ANOS1: variants seen among roughly 807,000 people sequenced by gnomAD.
The protein encoded by ANOS1 is anosmin-1.
A neutral mutation model predicts 59.0 loss-of-function variants in ANOS1; 6 were observed. The observed-to-expected ratio is 0.10, with a 90% CI of 0.06 to 0.20. The LOEUF (loss-of-function observed/expected upper bound fraction) is 0.20. Ranked by LOEUF, ANOS1 falls within the 10% of genes least tolerant of loss-of-function variation. ANOS1 has a pLI of 1.00. For missense variants in ANOS1, 433 were observed against 542.3 expected (o/e 0.80, Z 2.00); for synonymous variants, 217 against 223.4 (o/e 0.97, Z 0.25).
At chrX:8,717,532 A>G (rs1173575506) in intron 1 of ANOS1, among the ~76,000 whole-genome samples, 4 of 111,172 alleles carry the variant, frequency 3.6e-5, no homozygotes, top group African/African-American at 9.8e-5. Context: ...TTCTGGCCCA[A>G]TGGGAAAAAA....
intron 2 of ANOS1, among the ~76,000 whole-genome samples, chrX:8,625,905 G>T (rs1341770540): frequency 9.1e-6 from 1 of 109,770 alleles, no homozygotes; most frequent in Non-Finnish European, 1.9e-5. Flanking sequence ...GAGGTCAGGA[G>T]ATCGAGACCA....
chrX:8,681,663 G>A (rs1182796827), intron 2 of ANOS1, among the ~76,000 whole-genome samples: 2 of 111,455 alleles, frequency 1.8e-5, no homozygotes, highest in Non-Finnish European at 3.8e-5. Flanking sequence ...CCCATTCTAT[G>A]GTCCCCACAT....
chrX:8,562,502 TATG>T (rs1930049808), intron 8 of ANOS1, among the ~76,000 whole-genome samples: 2 of 111,786 alleles, frequency 1.8e-5, no homozygotes, highest in African/African-American at 6.5e-5. Flanking sequence ...CTGAAAAAGT[TATG>T]ATGTCTGATT....
chrX:8,644,658 T>G (rs1417718227), intron 2 of ANOS1, among the ~76,000 whole-genome samples: 1 of 111,721 alleles, frequency 9.0e-6, no homozygotes, highest in African/African-American at 3.3e-5. Flanking sequence ...TTACCATCTA[T>G]TCTCTCTGAA....
At chrX:8,605,997 G>A (rs1482059627) in intron 3 of ANOS1, among the ~76,000 whole-genome samples, 13 of 109,169 alleles carry the variant, frequency 1.2e-4, no homozygotes, top group Non-Finnish European at 2.1e-4. Context: ...GTTGGGGGCA[G>A]GGGGCATGAT....
intron 2 of ANOS1, among the ~76,000 whole-genome samples, chrX:8,676,904 A>C (rs1932345110): frequency 8.9e-6 from 1 of 111,896 alleles, no homozygotes; most frequent in Non-Finnish European, 1.9e-5. Flanking sequence ...GTCTATGGCA[A>C]AGAAATCTAG....
intron 3 of ANOS1, among the ~76,000 whole-genome samples, chrX:8,615,895 C>G (rs1463968275): frequency 9.0e-6 from 1 of 111,248 alleles, no homozygotes; most frequent in Non-Finnish European, 1.9e-5. Context: ...GCAATTCCCC[C>G]CTTTCTCCTC....
intron 1 of ANOS1, among the ~76,000 whole-genome samples, chrX:8,708,698 A>G (rs1402385428): frequency 8.9e-6 from 1 of 112,123 alleles, no homozygotes; most frequent in Non-Finnish European, 1.9e-5. Flanking sequence ...TGTGGAAGAC[A>G]GTGTGGCAAT....
intron 2 of ANOS1, among the ~76,000 whole-genome samples, chrX:8,663,075 A>C (rs1932068209): frequency 1.8e-5 from 2 of 111,809 alleles, no homozygotes; most frequent in Admixed American, 1.9e-4. Context: ...CATAGGAAGA[A>C]CATCTACAAG....
chrX:8,719,745 T>G (rs1244691365), intron 1 of ANOS1, among the ~76,000 whole-genome samples: 1 of 111,153 alleles, frequency 9.0e-6, no homozygotes, highest in Non-Finnish European at 1.9e-5. Flanking sequence ...CAGGGTAATG[T>G]GAAACACAAA....
intron 2 of ANOS1, among the ~76,000 whole-genome samples, chrX:8,659,725 C>G (rs1456634011): frequency 9.2e-6 from 1 of 108,466 alleles, no homozygotes; most frequent in East Asian, 2.9e-4. Context: ...ACCTCCCAGG[C>G]TCAAGTGATT....
intron 10 of ANOS1, among the ~76,000 whole-genome samples, chrX:8,539,256 C>T (rs1301450492): frequency 1.8e-5 from 2 of 111,129 alleles, no homozygotes; most frequent in Admixed American, 1.9e-4. Flanking sequence ...GGACATGGTG[C>T]TCAATGATAG....
chrX:8,589,052 C>A (rs1930570833), intron 4 of ANOS1, among the ~76,000 whole-genome samples: 1 of 112,406 alleles, frequency 8.9e-6, no homozygotes, highest in Non-Finnish European at 1.9e-5. Context: ...GTGCAAACAC[C>A]AAATGCAAAT....
chrX:8,718,848 G>A lies in ANOS1; in HGVS notation c.207+12982C>T, dbSNP rs181996923. On this transcript the variant is annotated intron_variant, in intron 1 of 13. Coordinates refer to ENST00000262648, the MANE Select transcript of ANOS1 (RefSeq NM_000216.4). ...TGACCATCAAGCGAGGGATAAAACA[G>A]CAGTTGGCAGAGACAAAAGTATCTG... Among the ~76,000 whole-genome samples, 5 of 112,319 alleles carry A rather than the reference G, an allele frequency of 4.5e-5. No individual in the cohort carries two copies. The East Asian group carries it at 1.1e-3, about 25-fold the overall frequency.
intron 2 of ANOS1, among the ~76,000 whole-genome samples, chrX:8,694,882 A>C (rs547103674): frequency 3.1e-4 from 35 of 112,112 alleles, no homozygotes; most frequent in Middle Eastern, 4.6e-3. Context: ...TTTAAAATAC[A>C]TTATTTTTTA....
chrX:8,632,197 G>A (rs1931500445), intron 2 of ANOS1, among the ~76,000 whole-genome samples: 1 of 112,181 alleles, frequency 8.9e-6, no homozygotes, highest in African/African-American at 3.2e-5. Flanking sequence ...GACTGACCCA[G>A]AGGAGAATCC....
At chrX:8,566,293 A>G in intron 8 of ANOS1, 1 of 731,566 alleles carries the variant, frequency 1.4e-6, no homozygotes, top group African/African-American at 2.3e-5. Flanking sequence ...TAAGGCAGAA[A>G]CCAAAATACA....
At chrX:8,731,469 C>T (rs1321651035) in intron 1 of ANOS1, among the ~76,000 whole-genome samples, 1 of 111,703 alleles carries the variant, frequency 9.0e-6, no homozygotes, top group African/African-American at 3.3e-5. Context: ...TGGGACTTTG[C>T]GGGAGTCGCC....
At chrX:8,696,515 T>G (rs1932687087) in intron 2 of ANOS1, among the ~76,000 whole-genome samples, 1 of 112,287 alleles carries the variant, frequency 8.9e-6, no homozygotes, top group Admixed American at 9.4e-5. Context: ...ACAATCAGAA[T>G]TCCTAGACAT....
Sources: gnomAD v4.1 joint callset for allele counts (sites outside exome capture counted in the v4.1 genomes callset) on GRCh38, gnomAD v4.1.1 for gene constraint, MANE v1.5 for transcripts, NCBI Gene and HGNC (gene_info 2026-07-23, HGNC 2026-07-21) for gene names.